Variants in SLC26A6 observed in about 807,000 individuals in gnomAD.
SLC26A6 encodes the protein anion exchange transporter.
In SLC26A6, 67 loss-of-function variants were observed where a neutral mutation model predicts 87.1. The observed-to-expected ratio is 0.77, with a 90% CI of 0.63 to 0.94. The LOEUF is 0.94. SLC26A6 is among the 40% of genes least tolerant of loss of function. SLC26A6 has a pLI of 0.00. For synonymous variants in SLC26A6, 414 were observed against 405.9 expected, an observed-to-expected ratio of 1.02 and a Z score of -0.24; for missense variants, 902 against 973.0, an observed-to-expected ratio of 0.93 and a Z score of 0.97.
rs769156070 is a variant in SLC26A6, at chr3:48,633,590, G to A, written c.69C>T (p.Asp23=). 1.2e-6 allele frequency: 2 copies of A among 1,613,546 alleles called. No homozygotes were observed. The highest frequency in any genetic ancestry group is 3.3e-5 in the Admixed American group (2 of 60,014). Residue 23 remains aspartate (D), a synonymous_variant, in exon 2 of 21, where the codon GAC becomes GAT. Coordinates refer to ENST00000395550, the MANE Select transcript of SLC26A6 (RefSeq NM_022911.3). ...CCATGTGGTAGTCTCGCCTCCGCAG[G>A]TCCATTGCTTGTGTTGCAGACAGCA... The part of the protein sequence containing the change: ...QALLSATQAM[D]LRRRDYHMER...
At chr3:48,626,794 G>A in intron 18 of SLC26A6, 82 bp downstream of exon 18, 2 of 1,606,642 alleles carry the variant, frequency 1.2e-6, no homozygotes, top group Non-Finnish European at 8.5e-7. Flanking sequence ...GGTTTGGGGA[G>A]TCAGAGGCTG....
At chr3:48,627,169 TAAG>T in intron 17 of SLC26A6, 114 bp from the exon 18 acceptor site, 2 of 1,278,316 alleles carry the variant, frequency 1.6e-6, no homozygotes, top group Non-Finnish European at 2.2e-6. Context: ...ATGGGACACA[TAAG>T]GACACAAACA....
chr3:48,631,889 G>A lies in SLC26A6; in HGVS notation c.741C>T (p.Ser247=), dbSNP rs1000773858. Residue 247 remains serine (S), a synonymous_variant, in exon 6 of 21, where the codon TCC becomes TCT. Transcript: ENST00000395550. The part of the protein sequence containing the change: ...LHLSSHSGPL[S]LIYTVLEVCW... ...CCCTACCCTCACTCACATAGATGAG[G>A]GACAGTGGCCCAGAGTGGCTGCTCA... 6.2e-7 allele frequency: 1 copy of A among 1,613,644 alleles called. No individual in the cohort carries two copies.
chr3:48,632,857 G>T, intron 4 of SLC26A6, 117 bp downstream of exon 4: 1 of 1,019,834 alleles, frequency 9.8e-7, no homozygotes, highest in Non-Finnish European at 1.5e-6. Flanking sequence ...GCCCAGGGAT[G>T]CAGCACCAAT....
In SLC26A6 at chr3:48,629,692, C is replaced by T; in HGVS notation, c.1549G>A (p.Gly517Arg). ...TAAATATCCGTGTCTGGCACCTGCC[C>T]CAGGACAGAGTAGTGGGGCCTGTGA... The part of the protein sequence containing the change: ...RTQMPHYSVL[G>R]QVPDTDIYRD... Residue 517 changes from glycine to arginine, a missense_variant, in exon 14 of 21, where the codon GGG becomes AGG. Around this residue, in one of 3 missense-constraint regions of SLC26A6, gnomAD observed 800 missense variants for 856.8 expected, o/e 0.93. Coordinates refer to ENST00000395550, the MANE Select transcript of SLC26A6 (RefSeq NM_022911.3). The T allele has an allele frequency of 1.2e-6, 2 of 1,613,588 alleles. No individual in the cohort carries two copies. Among genetic ancestry groups the T allele is most frequent in the South Asian group, 2.2e-5 (2 of 90,994 alleles).
chr3:48,631,650 G>A lies in SLC26A6; in HGVS notation c.902C>T (p.Thr301Met), dbSNP rs572109989. 36 of 1,612,918 alleles carry A rather than the reference G, an allele frequency of 2.2e-5. No homozygotes were observed. Among genetic ancestry groups the A allele is most frequent in the African/African-American group, 4.0e-5 (3 of 75,004 alleles). The change falls in exon 7 of 21, where the codon ACG (threonine) becomes ATG (methionine). Residue 301 changes from threonine (T) to methionine (M), a missense_variant and splice_region_variant. Transcript: ENST00000395550. ...LPMPIPGELL[T>M]LIGATGISYG... Reference sequence around the variant, plus strand: ...CCCTCCACTCCCTGGCCCTCGAACCGTGAGCAGCTCCCCGGGTATCGGCAT... The same window carrying A: ...CCCTCCACTCCCTGGCCCTCGAACCATGAGCAGCTCCCCGGGTATCGGCAT...
At position 48,632,135 on chromosome 3, in the gene SLC26A6, T is replaced by C. The variant is rs748092371; in HGVS notation, c.586-91A>G. 6 of 1,586,758 alleles carry C rather than the reference T, an allele frequency of 3.8e-6. No individual in the cohort carries two copies. In the African/African-American group the frequency reaches 8.1e-5, roughly 21 times the overall value. ...GCAAGTGGGATGGGAGGGGGATGAG[T>C]AGACGGCAAGAGGAGGACGACGATG... On this transcript the variant is annotated intron_variant, in intron 5 of 20. Coordinates refer to ENST00000395550, the MANE Select transcript of SLC26A6 (RefSeq NM_022911.3).
At position 48,628,556 on chromosome 3, in the gene SLC26A6, C is replaced by T. The variant is rs1482470760; in HGVS notation, c.1693-15G>A. 1.9e-6 allele frequency: 3 copies of T among 1,613,976 alleles called. No individual in the cohort carries two copies. Among genetic ancestry groups the T allele is most frequent in the African/African-American group, 2.7e-5 (2 of 74,914 alleles). The stretch of plus-strand genomic sequence containing the variant: ...TCCACACCACACTGGAGGCAAACAT[C>T]AGAGAAGGGTTGGTGAGCTCTCTGG... On this transcript the variant is annotated splice_polypyrimidine_tract_variant and intron_variant, in intron 15 of 20. Coordinates refer to ENST00000395550, the MANE Select transcript of SLC26A6 (RefSeq NM_022911.3). The surrounding 1 kb of genome is among the most constrained non-coding windows in gnomAD (Gnocchi z 4.4).
chr3:48,627,533 G>C lies in SLC26A6; in HGVS notation c.1893+413C>G, dbSNP rs542483167. ...AGGCTGAATGCAGTGGTTATTCACA[G>C]GCACCATTAGAGCGCACTGCAGCCC... On this transcript the variant is annotated intron_variant, in intron 17 of 20. Coordinates refer to ENST00000395550, the MANE Select transcript of SLC26A6 (RefSeq NM_022911.3). 2.2e-4 allele frequency: 41 copies of C among 188,250 alleles called. No homozygotes were observed. In the East Asian group the frequency reaches 2.4e-3, roughly 11 times the overall value. 11.7% of individuals were successfully genotyped at this position (188,250 alleles called of 1,614,324 possible).
chr3:48,633,214 A>G, intron 3 of SLC26A6, 37 bp downstream of exon 3: 1 of 1,603,674 alleles, frequency 6.2e-7, no homozygotes, highest in Non-Finnish European at 8.5e-7. Context: ...ATCACAGACC[A>G]CAGGGTTTCC....
In SLC26A6 at chr3:48,633,800, TCAGA is replaced by T. The variant is rs372804371; in HGVS notation, c.24-169_24-166del. 1.8e-4 allele frequency: 261 copies of T among 1,453,454 alleles called. 2 individuals carry two copies. In the African/African-American group the frequency reaches 3.3e-3, roughly 18 times the overall value. 90.0% of individuals were successfully genotyped at this position (1,453,454 alleles called of 1,614,324 possible). A position where few individuals can be genotyped will look rare whatever the true frequency, so the allele number is the denominator to read the frequency against. On this transcript the variant is annotated intron_variant, in intron 1 of 20. Coordinates refer to ENST00000395550, the MANE Select transcript of SLC26A6 (RefSeq NM_022911.3). ...GCATCTGTGGGCCACATGTCCAAACTCAGACAGGGGCAGTACCTGAACTTTGGCT... is the reference window on the plus strand; with the variant it reads ...GCATCTGTGGGCCACATGTCCAAACTCAGGGGCAGTACCTGAACTTTGGCT...
At chr3:48,632,181 C>G (rs2046821653) in intron 5 of SLC26A6, 64 bp downstream of exon 5, 2 of 1,574,654 alleles carry the variant, frequency 1.3e-6, no homozygotes, top group African/African-American at 1.3e-5. Context: ...CAGGGGAGTA[C>G]AGACAGGACA....
chr3:48,627,933 C>T lies in SLC26A6; in HGVS notation c.1893+13G>A, dbSNP rs750324398. 8 of 1,583,208 alleles carry T rather than the reference C, an allele frequency of 5.1e-6. No homozygotes were observed. Among genetic ancestry groups the T allele is most frequent in the Non-Finnish European group, 6.0e-6 (7 of 1,169,554 alleles). ...CTCACAGCTGTCACCTCCTTTCCCACCTCCAGTCTCACCATCATCTTGCAG... is the reference window on the plus strand; with the variant it reads ...CTCACAGCTGTCACCTCCTTTCCCATCTCCAGTCTCACCATCATCTTGCAG... On this transcript the variant is annotated intron_variant, in intron 17 of 20. Transcript: ENST00000395550.
chr3:48,625,899 A>G lies in SLC26A6; in HGVS notation c.*87T>C, dbSNP rs1366496070. On this transcript the variant is annotated 3_prime_UTR_variant, in exon 21 of 21. Coordinates refer to ENST00000395550, the MANE Select transcript of SLC26A6 (RefSeq NM_022911.3). The surrounding 1 kb of genome is among the most constrained non-coding windows in gnomAD (Gnocchi z 4.7). ...GTGTACATGGAGGGGACTCCTGGGT[A>G]GCACCTGGAGGCGGCCTAGGGGTGA... 1.3e-6 allele frequency: 2 copies of G among 1,555,042 alleles called. No individual in the cohort carries two copies.
chr3:48,626,839 G>A (rs372692891), intron 18 of SLC26A6, 37 bp downstream of exon 18: 35 of 1,606,372 alleles, frequency 2.2e-5, no homozygotes, highest in Non-Finnish European at 2.6e-5. Context: ...GGGTCAGTGT[G>A]GAAGCTCGAG....
intron 7 of SLC26A6, 146 bp from the exon 8 acceptor site, chr3:48,631,452 A>G: frequency 8.9e-7 from 1 of 1,119,434 alleles, no homozygotes. Flanking sequence ...GACAGGCAAC[A>G]CCATTTCGGC....
At chr3:48,626,131 C>T (rs1231155149) in intron 20 of SLC26A6, 87 bp downstream of exon 20, 10 of 1,610,432 alleles carry the variant, frequency 6.2e-6, no homozygotes, top group Non-Finnish European at 7.6e-6. Context: ...CCATGGCCAC[C>T]AGGAAAGACT....
chr3:48,632,775 G>A, intron 4 of SLC26A6, 199 bp downstream of exon 4: 1 of 681,970 alleles, frequency 1.5e-6, no homozygotes. Context: ...TGGAGCCAGG[G>A]CTTTGAGGTC....
chr3:48,630,901 C>T, intron 9 of SLC26A6, 92 bp downstream of exon 9: 1 of 1,571,720 alleles, frequency 6.4e-7, no homozygotes, highest in Non-Finnish European at 8.7e-7. Flanking sequence ...AGCACATCTG[C>T]TGTCTCCCTG....
Sources: gnomAD v4.1 joint callset for allele counts on GRCh38, gnomAD v4.1.1 for gene constraint, gnomAD v4.1.1 regional missense constraint, Gnocchi (gnomAD v3.1) non-coding constraint, MANE v1.5 for transcripts, NCBI Gene and HGNC (gene_info 2026-07-23, HGNC 2026-07-21) for gene names.